Variants in TRIM6 observed in about 807,000 individuals in gnomAD.
TRIM6 encodes tripartite motif-containing protein 6.
In TRIM6, 43 loss-of-function variants were observed where a neutral mutation model predicts 51.2. That is an observed-to-expected ratio of 0.84 (90% CI 0.66 to 1.08). The LOEUF (loss-of-function observed/expected upper bound fraction) is 1.08. Ranked by LOEUF, TRIM6 falls within the 50% of genes least tolerant of loss-of-function variation. The pLI, the probability that TRIM6 is intolerant of heterozygous loss-of-function variation, is 0.00. For missense variants in TRIM6, 669 were observed against 619.0 expected (o/e 1.08, Z -0.86); for synonymous variants, 215 against 232.4 (o/e 0.93, Z 0.68).
At chr11:5,609,519 A>G (rs1848437073) in intron 5 of TRIM6, among the ~76,000 whole-genome samples, 2 of 152,142 alleles carry the variant, frequency 1.3e-5, no homozygotes, top group South Asian at 4.1e-4. Context: ...GTAGCAAAAG[A>G]TTTCCAAGCC....
In TRIM6 at chr11:5,611,812, A is replaced by G. The variant is rs1848590479; in HGVS notation, c.*470A>G. ...GATGCACCCAGTGGTGAGAGTAAGC[A>G]TCTTTGACTGATGACAGGTCTTGAG... On this transcript the variant is annotated 3_prime_UTR_variant, in exon 8 of 8. Coordinates refer to ENST00000380097, the MANE Select transcript of TRIM6 (RefSeq NM_001003818.3). The G allele has an allele frequency of 6.4e-6, 1 of 156,684 alleles. No individual in the cohort carries two copies. The highest frequency in any genetic ancestry group is 6.1e-5 in the Admixed American group (1 of 16,428). 9.7% of individuals were successfully genotyped at this position (156,684 alleles called of 1,614,324 possible).
At chr11:5,598,358 C>A (rs1161130683) in intron 1 of TRIM6, among the ~76,000 whole-genome samples, 1 of 152,112 alleles carries the variant, frequency 6.6e-6, no homozygotes, top group Admixed American at 6.6e-5. Context: ...TCAACTCTTA[C>A]AAATCTTTTT....
chr11:5,603,388 C>A lies in TRIM6; in HGVS notation c.160C>A (p.Leu54Met). The A allele has an allele frequency of 2.5e-6, 4 of 1,613,630 alleles. No individual in the cohort carries two copies. The highest frequency in any genetic ancestry group is 3.4e-6 in the Non-Finnish European group (4 of 1,179,604). Residue 54 changes from leucine (L) to methionine (M), a missense_variant, in exon 2 of 8, where the codon CTG becomes ATG. Physicochemically the swap from Leu to Met is conservative, Grantham distance 15. Transcript: ENST00000380097. ...CTGCCTGGAGCTCCTAACAGAACCC[C>A]TGAGCATAGACTGTGGCCACAGCTT... ...PICLELLTEPLSIDCGHSFCQ... is the reference protein window; with the variant it reads ...PICLELLTEPMSIDCGHSFCQ...
At chr11:5,600,760 T>G (rs1847790138) in intron 1 of TRIM6, among the ~76,000 whole-genome samples, 1 of 152,154 alleles carries the variant, frequency 6.6e-6, no homozygotes, top group Non-Finnish European at 1.5e-5. Flanking sequence ...TAGAGAATTC[T>G]GCCTGCTCCC....
intron 4 of TRIM6, among the ~76,000 whole-genome samples, chr11:5,607,826 G>T (rs551836862): frequency 6.6e-6 from 1 of 152,128 alleles, no homozygotes; most frequent in Non-Finnish European, 1.5e-5. Context: ...ATATTTGCTG[G>T]TGTATATATT....
chr11:5,609,910 G>T (rs12288184), intron 5 of TRIM6, among the ~76,000 whole-genome samples: 9,488 of 151,920 alleles, frequency 0.062, 390 homozygotes, highest in Non-Finnish European at 0.09. Context: ...GTGACAGAGC[G>T]AGACTCCTTC....
At chr11:5,604,994 G>A (rs1017785787) in intron 3 of TRIM6, among the ~76,000 whole-genome samples, 2 of 151,746 alleles carry the variant, frequency 1.3e-5, no homozygotes, top group African/African-American at 4.8e-5. Flanking sequence ...TCTGAGACAG[G>A]TTAGTCACAG....
intron 6 of TRIM6, 45 bp downstream of exon 6, chr11:5,610,290 G>C (rs746718799): frequency 6.2e-6 from 10 of 1,612,790 alleles, no homozygotes; most frequent in Non-Finnish European, 7.6e-6. Context: ...AATTACTGTC[G>C]TGGGAAGAAA....
rs766313538 is a variant in TRIM6 at position 5,605,498 on chromosome 11, C to A, written c.765C>A (p.Thr255=). ...EEAENDLVHQ[T]QSLRELISDL... ...CTGAGAATGATCTGGTCCACCAGAC[C>A]CAGTCGCTGCGAGAGCTCATCTCGG... Residue 255 remains threonine (T), a synonymous_variant, in exon 4 of 8, where the codon ACC becomes ACA. Transcript: ENST00000380097. 1.9e-6 allele frequency: 3 copies of A among 1,614,104 alleles called. No individual in the cohort carries two copies. The South Asian group carries it at 3.3e-5, about 18-fold the overall frequency.
In TRIM6 at chr11:5,610,238, G is replaced by T. The variant is rs1482079088; in HGVS notation, c.951G>T (p.Val317=). The T allele has an allele frequency of 5.6e-6, 9 of 1,614,020 alleles. No homozygotes were observed. Among genetic ancestry groups the T allele is most frequent in the East Asian group, 2.2e-5 (1 of 44,880 alleles). The part of the protein sequence containing the change: ...RAPDLKRMLR[V]CRELTDVQSY... ...CAGATCTGAAAAGGATGCTGCGAGT[G>T]TGTAGAGGTAAGGAGATTCAGGGGA... is the stretch of plus-strand genomic sequence containing the variant. The change falls in exon 6 of 8, where the codon GTG becomes GTT. Residue 317 remains valine, a synonymous_variant. Transcript: ENST00000380097.
At position 5,605,480 on chromosome 11, in the gene TRIM6, T is replaced by C. The variant is rs1388582216; in HGVS notation, c.747T>C (p.Asn249=). 6.2e-7 allele frequency: 1 copy of C among 1,614,192 alleles called. No homozygotes were observed. Among genetic ancestry groups the C allele is most frequent in the Non-Finnish European group, 8.5e-7 (1 of 1,180,044 alleles). Residue 249 remains asparagine (N), a synonymous_variant, in exon 4 of 8, where the codon AAT becomes AAC. Transcript: ENST00000380097. ...KGLRIIEEAE[N]DLVHQTQSLR... Reference sequence around the variant, plus strand: ...TACGAATTATAGAAGAGGCTGAGAATGATCTGGTCCACCAGACCCAGTCGC... The same window carrying C: ...TACGAATTATAGAAGAGGCTGAGAACGATCTGGTCCACCAGACCCAGTCGC...
chr11:5,602,901 C>T (rs956599942), intron 1 of TRIM6, among the ~76,000 whole-genome samples: 6 of 151,936 alleles, frequency 3.9e-5, no homozygotes, highest in African/African-American at 1.5e-4. Context: ...TTGCAGTGAG[C>T]TGAGATTGTA....
At chr11:5,605,664 C>T in intron 4 of TRIM6, 97 bp downstream of exon 4, 2 of 1,402,976 alleles carry the variant, frequency 1.4e-6, no homozygotes, top group Non-Finnish European at 1.9e-6. Context: ...GTTGCAGGGA[C>T]AAGAGAAAAC....
intron 4 of TRIM6, among the ~76,000 whole-genome samples, chr11:5,607,858 G>A (rs1234677314): frequency 6.6e-6 from 1 of 152,122 alleles, no homozygotes; most frequent in African/African-American, 2.4e-5. Context: ...TAAGGAAAGG[G>A]GGCTGAGCAG....
At chr11:5,604,443 G>T in intron 2 of TRIM6, 91 bp from the exon 3 acceptor site, 3 of 1,390,452 alleles carry the variant, frequency 2.2e-6, no homozygotes, top group Non-Finnish European at 2.9e-6. Flanking sequence ...TTCTTTTGAG[G>T]TTAGCAGAAT....
chr11:5,600,804 A>G (rs1847794986), intron 1 of TRIM6, among the ~76,000 whole-genome samples: 1 of 152,152 alleles, frequency 6.6e-6, no homozygotes, highest in Non-Finnish European at 1.5e-5. Context: ...CAGCGAGGTC[A>G]CGCCTGGAAC....
chr11:5,605,436 C>A lies in TRIM6; in HGVS notation c.703C>A (p.Gln235Lys). 1 of 1,614,150 alleles carries A rather than the reference C, an allele frequency of 6.2e-7. No individual in the cohort carries two copies. The highest frequency in any genetic ancestry group is 8.5e-7 in the Non-Finnish European group (1 of 1,180,042). Residue 235 changes from glutamine (Q) to lysine (K), a missense_variant, in exon 4 of 8, where the codon CAG (glutamine) becomes AAG (lysine). By Grantham distance (53) the Gln-to-Lys change is moderately conservative. Transcript: ENST00000380097. The stretch of plus-strand genomic sequence containing the variant: ...GCAACGGGAGCTGAAAAAGCTGGAA[C>A]AGGAAGAGAAGAAGGGGCTACGAAT... ...VEQRELKKLE[Q>K]EEKKGLRIIE...
At chr11:5,603,104 T>TA in intron 1 of TRIM6, 142 bp from the exon 2 acceptor site, 1 of 1,392,384 alleles carries the variant, frequency 7.2e-7, no homozygotes, top group Admixed American at 2.7e-5. Context: ...TGAGCCGGGA[T>TA]AAAGAACGTA....
intron 4 of TRIM6, among the ~76,000 whole-genome samples, chr11:5,607,268 G>A (rs180941748): frequency 6.6e-6 from 1 of 152,198 alleles, no homozygotes; most frequent in African/African-American, 2.4e-5. Context: ...GCCAACATAA[G>A]AGAAGTAGCC....
Sources: allele counts gnomAD v4.1 joint callset (sites outside exome capture counted in the v4.1 genomes callset), GRCh38; gene constraint gnomAD v4.1.1; transcripts MANE v1.5; gene names NCBI Gene and HGNC (gene_info 2026-07-23, HGNC 2026-07-21).